The following CYSLTR2 variants were observed in gnomAD, a reference collection of about 807,000 sequenced individuals.
The protein encoded by CYSLTR2 is G-protein coupled receptor GPCR21.
For missense variants in CYSLTR2, 398 were observed against 411.9 expected, an observed-to-expected ratio of 0.97 and a Z score of 0.29; for synonymous variants, 179 against 160.8, an observed-to-expected ratio of 1.11 and a Z score of -0.86.
At chr13:48,682,409 A>C (rs1476400342) in intron 1 of CYSLTR2, among the ~76,000 whole-genome samples, 2 of 152,082 alleles carry the variant, frequency 1.3e-5, no homozygotes, top group African/African-American at 4.8e-5. Flanking sequence ...CCTCTATATG[A>C]CTATTTCCCT....
chr13:48,693,383 T>C (rs527578990), intron 2 of CYSLTR2, 55 bp from the exon 3 acceptor site: 2 of 152,130 alleles, frequency 1.3e-5, no homozygotes, highest in Non-Finnish European at 2.9e-5. Flanking sequence ...AAATATACTG[T>C]TTGTGCCCAC....
chr13:48,680,485 A>C (rs766521647), intron 1 of CYSLTR2, among the ~76,000 whole-genome samples: 2 of 152,138 alleles, frequency 1.3e-5, no homozygotes, highest in African/African-American at 2.4e-5. Context: ...TCCTAACTCA[A>C]ATATGGAATC....
Position 48,707,954 on chromosome 13 carries a change from A to C in CYSLTR2, c.*96A>C. ...TTTGTATTTACATCACTCCCAACAA[A>C]TGTTGATTCTTAATATTTAGTTGAC... On this transcript the variant is annotated 3_prime_UTR_variant, in exon 5 of 5. Coordinates refer to ENST00000682523, the MANE Select transcript of CYSLTR2 (RefSeq NM_001308476.3). The C allele has an allele frequency of 2.0e-6, 2 of 1,009,928 alleles. No homozygotes were observed. Among genetic ancestry groups the C allele is most frequent in the Non-Finnish European group, 2.8e-6 (2 of 726,052 alleles). The allele number at this position is 1,009,928 out of a possible 1,614,324, so 62.6% of individuals were successfully genotyped here.
At chr13:48,687,263 C>T (rs527264459) in intron 1 of CYSLTR2, among the ~76,000 whole-genome samples, 9 of 152,150 alleles carry the variant, frequency 5.9e-5, no homozygotes, top group African/African-American at 9.6e-5. Flanking sequence ...TCTATCTTGC[C>T]GACGGCCTGT....
At chr13:48,666,169 G>C (rs185996709) in intron 1 of CYSLTR2, among the ~76,000 whole-genome samples, 1 of 152,160 alleles carries the variant, frequency 6.6e-6, no homozygotes, top group East Asian at 1.9e-4. Flanking sequence ...GCTTTGCTTG[G>C]TATAATATTC....
chr13:48,688,501 T>C (rs954682014), intron 1 of CYSLTR2, among the ~76,000 whole-genome samples: 1 of 152,216 alleles, frequency 6.6e-6, no homozygotes, highest in African/African-American at 2.4e-5. Context: ...AGTGAGAAGA[T>C]GTGGTGTTTG....
intron 1 of CYSLTR2, among the ~76,000 whole-genome samples, chr13:48,654,306 A>AGT (rs372670890): frequency 0.018 from 709 of 40,490 alleles, 2 homozygotes; most frequent in Non-Finnish European, 0.024. Context: ...TGTGTGTGTG[A>AGT]GTGTGTGTGT....
intron 3 of CYSLTR2, among the ~76,000 whole-genome samples, chr13:48,695,255 C>CT (rs1003722235): frequency 4.7e-5 from 7 of 149,456 alleles, no homozygotes; most frequent in East Asian, 3.9e-4. Context: ...TTTTCATTTT[C>CT]TTTTTTTTTC....
In CYSLTR2 at chr13:48,707,420, G is replaced by A. The variant is rs1404864240; in HGVS notation, c.603G>A (p.Met201Ile). The A allele has an allele frequency of 1.2e-6, 2 of 1,614,074 alleles. No individual in the cohort carries two copies. The highest frequency in any genetic ancestry group is 1.7e-6 in the Non-Finnish European group (2 of 1,180,028). The change falls in exon 5 of 5, where the codon ATG (methionine) becomes ATA (isoleucine). Residue 201 changes from methionine to isoleucine, a missense_variant. Met to Ile is a conservative substitution (Grantham distance 10, BLOSUM62 1). Coordinates refer to ENST00000682523, the MANE Select transcript of CYSLTR2 (RefSeq NM_001308476.3). ...NLYKIAKLQTMNYIALVVGCL... is the reference protein window; with the variant it reads ...NLYKIAKLQTINYIALVVGCL... The stretch of plus-strand genomic sequence containing the variant: ...ATAAAATTGCTAAGCTGCAGACCAT[G>A]AACTATATTGCCTTGGTGGTGGGCT...
rs754303060 is a variant in CYSLTR2, at chr13:48,707,701, C to T, written c.884C>T (p.Ala295Val). 3 of 1,613,478 alleles carry T rather than the reference C, an allele frequency of 1.9e-6. No homozygotes were observed. In the South Asian group the frequency reaches 3.3e-5, roughly 18 times the overall value. ...TTGGTTATCACACTGGCCTTGGCAG[C>T]AGCCAATGCCTGCTTCAATCCTCTG... ...KALVITLALAAANACFNPLLY... is the reference protein window; with the variant it reads ...KALVITLALAVANACFNPLLY... The change falls in exon 5 of 5, where the codon GCA becomes GTA. Residue 295 changes from alanine (A) to valine (V), a missense_variant. Ala to Val is a moderately conservative substitution (Grantham distance 64, BLOSUM62 0). Coordinates refer to ENST00000682523, the MANE Select transcript of CYSLTR2 (RefSeq NM_001308476.3).
chr13:48,678,843 A>C (rs1168639336), intron 1 of CYSLTR2, among the ~76,000 whole-genome samples: 2 of 151,940 alleles, frequency 1.3e-5, no homozygotes, highest in African/African-American at 4.8e-5. Context: ...ACTCCTTTAT[A>C]GCTCTCAGTC....
chr13:48,688,478 A>G (rs571509851), intron 1 of CYSLTR2, among the ~76,000 whole-genome samples: 1 of 151,610 alleles, frequency 6.6e-6, no homozygotes, highest in African/African-American at 2.4e-5. Flanking sequence ...TCATTATTCA[A>G]CTCCCACTTA....
chr13:48,658,229 G>A (rs948152514), intron 1 of CYSLTR2, among the ~76,000 whole-genome samples: 2 of 152,084 alleles, frequency 1.3e-5, no homozygotes, highest in African/African-American at 4.8e-5. Context: ...ACCCTCTGTG[G>A]CTGCCTTCTG....
chr13:48,702,064 T>C lies in CYSLTR2; in HGVS notation c.-1-4753T>C, dbSNP rs190270058. On this transcript the variant is annotated intron_variant, in intron 4 of 4. Coordinates refer to ENST00000682523, the MANE Select transcript of CYSLTR2 (RefSeq NM_001308476.3). ...AAGAAAATGTGACACATATACACCATGGAATACTATGCAGCCATAAAAAAG... is the reference window on the plus strand; with the variant it reads ...AAGAAAATGTGACACATATACACCACGGAATACTATGCAGCCATAAAAAAG... 2.2e-3 allele frequency among the ~76,000 whole-genome samples: 342 copies of C among 152,100 alleles called. 1 individual carries two copies. The highest frequency in any genetic ancestry group is 7.7e-3 in the African/African-American group (319 of 41,484).
intron 4 of CYSLTR2, among the ~76,000 whole-genome samples, chr13:48,702,743 A>G (rs761091830): frequency 1.8e-4 from 27 of 152,278 alleles, no homozygotes; most frequent in South Asian, 1.2e-3. Context: ...TCCCACTTCA[A>G]TCTTCTTTTT....
chr13:48,700,047 AG>A (rs1480283365), intron 4 of CYSLTR2, among the ~76,000 whole-genome samples: 1 of 152,226 alleles, frequency 6.6e-6, no homozygotes, highest in African/African-American at 2.4e-5. Context: ...AACCAAAAAA[AG>A]TCCAGGACCA....
At chr13:48,696,822 C>T (rs532134488) in intron 4 of CYSLTR2, among the ~76,000 whole-genome samples, 196 bp downstream of exon 4, 219 of 152,286 alleles carry the variant, frequency 1.4e-3, no homozygotes, top group South Asian at 2.5e-3. Flanking sequence ...CCTTAGCAAA[C>T]GGCACACCAG....
Position 48,706,956 on chromosome 13 carries a change from A to G in CYSLTR2, c.139A>G (p.Ile47Val). The G allele has an allele frequency of 1.9e-6, 3 of 1,614,206 alleles. No homozygotes were observed. The highest frequency in any genetic ancestry group is 2.5e-6 in the Non-Finnish European group (3 of 1,180,036). ...KREFFPIVYL[I>V]IFFWGVLGNG... ...AGAATTTTTCCCAATTGTATATCTGATAATATTTTTCTGGGGAGTCTTGGG... is the reference window on the plus strand; with the variant it reads ...AGAATTTTTCCCAATTGTATATCTGGTAATATTTTTCTGGGGAGTCTTGGG... The change falls in exon 5 of 5, where the codon ATA becomes GTA. Residue 47 changes from isoleucine to valine, a missense_variant. Ile to Val is a conservative substitution (Grantham distance 29). Transcript: ENST00000682523.
chr13:48,707,695 T>A lies in CYSLTR2; in HGVS notation c.878T>A (p.Leu293Ter), dbSNP rs766823763. The part of the protein sequence containing the change: ...LHKALVITLA[L>*]AAANACFNPL... ...AAAGCTTTGGTTATCACACTGGCCT[T>A]GGCAGCAGCCAATGCCTGCTTCAAT... The change falls in exon 5 of 5, where the codon TTG becomes TAG. Residue 293 changes from leucine (L) to a stop codon, truncating the protein, a stop_gained. Transcript: ENST00000682523. LOFTEE classifies it low-confidence loss of function (END_TRUNC). The A allele has an allele frequency of 6.2e-7, 1 of 1,613,854 alleles. No individual in the cohort carries two copies. Among genetic ancestry groups the A allele is most frequent in the Non-Finnish European group, 8.5e-7 (1 of 1,179,756 alleles).
Sources: gnomAD v4.1 joint callset for allele counts (sites outside exome capture counted in the v4.1 genomes callset) on GRCh38, gnomAD v4.1.1 for gene constraint, MANE v1.5 for transcripts, NCBI Gene and HGNC (gene_info 2026-07-23, HGNC 2026-07-21) for gene names.